Variants in DNAJA4 observed in about 807,000 individuals in gnomAD.
DNAJA4 encodes the protein DnaJ heat shock protein family (Hsp40) member A4.
A neutral mutation model predicts 39.7 loss-of-function variants in DNAJA4; 32 were observed. The observed-to-expected ratio is 0.81, with a 90% CI of 0.61 to 1.08. The LOEUF (loss-of-function observed/expected upper bound fraction) is 1.08, where lower values mean the gene tolerates loss of function less well. DNAJA4 is among the 50% of genes least tolerant of loss of function. The probability of loss-of-function intolerance (pLI) is 0.00; values close to 1 mark genes in which losing one functional copy is unlikely to be tolerated. For missense variants in DNAJA4, 439 were observed against 505.1 expected (o/e 0.87, Z 1.25); for synonymous variants, 184 against 182.4 (o/e 1.01, Z -0.07).
chr15:78,279,950 G>T lies in DNAJA4; in HGVS notation c.878-95G>T. On this transcript the variant is annotated intron_variant, in intron 5 of 6. Transcript: ENST00000394852. This position sits in a 1 kb window ranked among gnomAD's most constrained non-coding sequence, Gnocchi z 4.5. ...ACGTTTCCTTTGCCCACTGCCACGG[G>T]GCACTAGGGCCTGCCGCAGGCTCTC... 1 of 1,181,586 alleles carries T rather than the reference G, an allele frequency of 8.5e-7. No homozygotes were observed. Among genetic ancestry groups the T allele is most frequent in the Non-Finnish European group, 1.2e-6 (1 of 818,484 alleles). 73.2% of individuals were successfully genotyped at this position (1,181,586 alleles called of 1,614,324 possible).
At chr15:78,266,221 T>C (rs1410772679) in intron 1 of DNAJA4, 1 of 1,613,790 alleles carries the variant, frequency 6.2e-7, no homozygotes, top group South Asian at 1.1e-5. Flanking sequence ...TAATTTCACA[T>C]TTCAGCAAGC....
At position 78,281,223 on chromosome 15, in the gene DNAJA4, A is replaced by G. The variant is rs915625225; in HGVS notation, c.*763A>G. On this transcript the variant is annotated 3_prime_UTR_variant, in exon 7 of 7. Coordinates refer to ENST00000394852, the MANE Select transcript of DNAJA4 (RefSeq NM_001130182.2). ...TGATTTTCTGTTGACAACTTTTGCA[A>G]TGCTTTCCCACCAAAGTGCTTACTT... The G allele has an allele frequency of 1.3e-5, 2 of 152,630 alleles. No homozygotes were observed. Among genetic ancestry groups the G allele is most frequent in the East Asian group, 1.9e-4 (1 of 5,202 alleles). 9.5% of individuals were successfully genotyped at this position (152,630 alleles called of 1,614,324 possible).
At chr15:78,277,365 A>G (rs975783271) in intron 5 of DNAJA4, among the ~76,000 whole-genome samples, 48 of 152,154 alleles carry the variant, frequency 3.2e-4, no homozygotes, top group African/African-American at 1.1e-3. Flanking sequence ...CATGTTGCCC[A>G]GACTTGTGTG....
chr15:78,281,906 C>T lies in DNAJA4; in HGVS notation c.*1446C>T, dbSNP rs369206783. ...GCATAATTTGCTCAAAGTATAGAAA[C>T]AGCCCACCTGTGCCCACTTTGACCA... On this transcript the variant is annotated 3_prime_UTR_variant, in exon 7 of 7. Transcript: ENST00000394852. 5.3e-5 allele frequency: 8 copies of T among 152,226 alleles called. 1 individual carries two copies. In the East Asian group the frequency reaches 5.8e-4, roughly 11 times the overall value. The allele number at this position is 152,226 out of a possible 1,614,324, so 9.4% of individuals were successfully genotyped here. A position where few individuals can be genotyped will look rare whatever the true frequency, so the allele number is the denominator to read the frequency against.
In DNAJA4 at chr15:78,273,163, G is replaced by A. The variant is rs1212077061; in HGVS notation, c.382G>A (p.Ala128Thr). The change falls in exon 3 of 7, where the codon GCC (alanine) becomes ACC (threonine). Residue 128 changes from alanine to threonine, a missense_variant. Physicochemically the swap from Ala to Thr is moderately conservative, Grantham distance 58. Coordinates refer to ENST00000394852, the MANE Select transcript of DNAJA4 (RefSeq NM_001130182.2). ...DLYNGVTKKL[A>T]LQKNVICEKC... ...ATATAATGGAGTCACGAAGAAATTGGCCCTCCAGAAAAATGTAATTTGTGA... is the reference window on the plus strand; with the variant it reads ...ATATAATGGAGTCACGAAGAAATTGACCCTCCAGAAAAATGTAATTTGTGA... 6.2e-7 allele frequency: 1 copy of A among 1,604,964 alleles called. No homozygotes were observed. The highest frequency in any genetic ancestry group is 8.5e-7 in the Non-Finnish European group (1 of 1,171,602).
rs755676967 is a variant in DNAJA4 at position 78,265,729 on chromosome 15, G to A, written c.132+834G>A. ...GCAAGGAAAGGCTGCTAACCCTCCC[G>A]TTCCTCCTTTCACTTCTTGCCATTT... On this transcript the variant is annotated intron_variant, in intron 1 of 6. Transcript: ENST00000394852. 4 of 690,282 alleles carry A rather than the reference G, an allele frequency of 5.8e-6. No individual in the cohort carries two copies. The South Asian group carries it at 6.1e-5, about 10-fold the overall frequency. The allele number at this position is 690,282 out of a possible 1,614,324, so 42.8% of individuals were successfully genotyped here.
Position 78,281,997 on chromosome 15 carries a change from G to C in DNAJA4, c.*1537G>C, listed in dbSNP as rs539937706. On this transcript the variant is annotated 3_prime_UTR_variant, in exon 7 of 7. Coordinates refer to ENST00000394852, the MANE Select transcript of DNAJA4 (RefSeq NM_001130182.2). Reference sequence around the variant, plus strand: ...CTAGGTGAAAATCTATTTATAAATGGACCACAACTCTGGGGTGTCGTTTTT... The same window carrying C: ...CTAGGTGAAAATCTATTTATAAATGCACCACAACTCTGGGGTGTCGTTTTT... 2 of 152,178 alleles carry C rather than the reference G, an allele frequency of 1.3e-5. No individual in the cohort carries two copies. Among genetic ancestry groups the C allele is most frequent in the Non-Finnish European group, 1.5e-5 (1 of 68,038 alleles). 9.4% of individuals were successfully genotyped at this position (152,178 alleles called of 1,614,324 possible). A position where few individuals can be genotyped will look rare whatever the true frequency, so the allele number is the denominator to read the frequency against.
chr15:78,264,322 G>A (rs186974479), upstream of DNAJA4: 3 of 1,415,772 alleles, frequency 2.1e-6, no homozygotes, highest in Non-Finnish European at 2.8e-6. Context: ...CCATGGCCCG[G>A]GGCGGCAGTC....
At position 78,279,641 on chromosome 15, in the gene DNAJA4, C is replaced by A. The variant is rs1342814034; in HGVS notation, c.878-404C>A. ...GACTGGTTGGACTCTATTGAGGCTT[C>A]TTCCTGTCTGTGGGGAGCACTCCTG... is the stretch of plus-strand genomic sequence containing the variant. On this transcript the variant is annotated intron_variant, in intron 5 of 6. Coordinates refer to ENST00000394852, the MANE Select transcript of DNAJA4 (RefSeq NM_001130182.2). The surrounding 1 kb of genome is among the most constrained non-coding windows in gnomAD (Gnocchi z 4.5). The A allele has an allele frequency of 5.0e-6, 1 of 198,304 alleles. No homozygotes were observed. The highest frequency in any genetic ancestry group is 2.3e-5 in the African/African-American group (1 of 43,020). The allele number at this position is 198,304 out of a possible 1,614,324, so 12.3% of individuals were successfully genotyped here.
At position 78,280,470 on chromosome 15, in the gene DNAJA4, G is replaced by C. The variant is rs768649262; in HGVS notation, c.*10G>C. The C allele has an allele frequency of 8.1e-6, 13 of 1,598,438 alleles. No homozygotes were observed. In the East Asian group the frequency reaches 2.5e-4, roughly 30 times the overall value. On this transcript the variant is annotated 3_prime_UTR_variant, in exon 7 of 7. Coordinates refer to ENST00000394852, the MANE Select transcript of DNAJA4 (RefSeq NM_001130182.2). The stretch of plus-strand genomic sequence containing the variant: ...GTGCCAGACGGCATGACGTGGTGCG[G>C]GGCAGCGTGGCCCCACCGGACTAGC...
At chr15:78,271,747 T>A (rs1663633231) in intron 2 of DNAJA4, among the ~76,000 whole-genome samples, 1 of 152,186 alleles carries the variant, frequency 6.6e-6, no homozygotes, top group South Asian at 2.1e-4. Flanking sequence ...ATAGACTAGT[T>A]CCCATTCCCC....
intron 4 of DNAJA4, chr15:78,274,647 G>A (rs2049397364): frequency 1.8e-6 from 1 of 570,270 alleles, no homozygotes; most frequent in South Asian, 2.0e-5. Flanking sequence ...ACTTCCTTGA[G>A]ATCACAGACA....
At position 78,274,777 on chromosome 15, in the gene DNAJA4, C is replaced by T. The variant is rs142565278; in HGVS notation, c.646+353C>T. 4.8e-5 allele frequency: 16 copies of T among 333,712 alleles called. No homozygotes were observed. The East Asian group carries it at 7.9e-4, about 17-fold the overall frequency. The allele number at this position is 333,712 out of a possible 1,614,324, so 20.7% of individuals were successfully genotyped here. A position where few individuals can be genotyped will look rare whatever the true frequency, so the allele number is the denominator to read the frequency against. On this transcript the variant is annotated intron_variant, in intron 4 of 6. Transcript: ENST00000394852. ...GAATCTTTCGGAGTGTCTTCCTGGT[C>T]GCTTCTGATGCTCATTGGCCATAAG...
chr15:78,270,480 C>G lies in DNAJA4; in HGVS notation c.133-17C>G. The G allele has an allele frequency of 6.3e-7, 1 of 1,599,822 alleles. No individual in the cohort carries two copies. Among genetic ancestry groups the G allele is most frequent in the Non-Finnish European group, 8.5e-7 (1 of 1,173,670 alleles). On this transcript the variant is annotated splice_polypyrimidine_tract_variant and intron_variant, in intron 1 of 6. Transcript: ENST00000394852. ...CTGAAACTTCTCTAAAAATCTCTCT[C>G]TCTCTCTCTTTTAAAGTTTAAACTC...
chr15:78,278,734 C>G (rs62007841), intron 5 of DNAJA4, among the ~76,000 whole-genome samples: 7,152 of 151,930 alleles, frequency 0.047, 208 homozygotes, highest in Middle Eastern at 0.11. Context: ...TCACTGTACA[C>G]TCTGCTTCCC....
chr15:78,264,394 G>T (rs1361002684), upstream of DNAJA4: 34 of 1,410,342 alleles, frequency 2.4e-5, no homozygotes, highest in Non-Finnish European at 2.9e-5. Flanking sequence ...AGAAGCCCAG[G>T]TGAGCGGCTG....
intron 1 of DNAJA4, among the ~76,000 whole-genome samples, chr15:78,268,046 C>A (rs563869438): frequency 6.6e-6 from 1 of 152,160 alleles, no homozygotes; most frequent in Non-Finnish European, 1.5e-5. Context: ...GTTGGAACCC[C>A]CATCCCATGT....
chr15:78,264,549 A>C (rs534467349), upstream of DNAJA4: 360 of 1,213,396 alleles, frequency 3.0e-4, 2 homozygotes, highest in South Asian at 0.01. Context: ...GCCGCGGAGG[A>C]GCCGGTGGCT....
rs556503308 is a variant in DNAJA4, at chr15:78,272,998, C to T, written c.314-97C>T. On this transcript the variant is annotated intron_variant, in intron 2 of 6. Transcript: ENST00000394852. Reference sequence around the variant, plus strand: ...GCATGACCCAGCCACAGTCTTGAGTCTCTGGAGACTTCATACAACTAAGGG... The same window carrying T: ...GCATGACCCAGCCACAGTCTTGAGTTTCTGGAGACTTCATACAACTAAGGG... 8.0e-6 allele frequency: 6 copies of T among 753,876 alleles called. No homozygotes were observed. The Admixed American group carries it at 1.1e-4, about 14-fold the overall frequency. 46.7% of individuals were successfully genotyped at this position (753,876 alleles called of 1,614,324 possible). A position where few individuals can be genotyped will look rare whatever the true frequency, so the allele number is the denominator to read the frequency against.
Sources: gnomAD v4.1 joint callset for allele counts (sites outside exome capture counted in the v4.1 genomes callset) on GRCh38, gnomAD v4.1.1 for gene constraint, Gnocchi (gnomAD v3.1) non-coding constraint, MANE v1.5 for transcripts, NCBI Gene and HGNC (gene_info 2026-07-23, HGNC 2026-07-21) for gene names.